Variants in LUC7L observed in about 807,000 individuals in gnomAD.
The protein encoded by LUC7L is LUC7 like, also known as putative RNA-binding protein Luc7-like 1.
In LUC7L, 29 loss-of-function variants were observed where a neutral mutation model predicts 51.1. The observed-to-expected ratio is 0.57, with a 90% confidence interval of 0.42 to 0.77. The LOEUF (loss-of-function observed/expected upper bound fraction) is 0.77, where lower values mean the gene tolerates loss of function less well. Among genes scored for constraint, LUC7L ranks in the 30% least tolerant of loss-of-function variants. LUC7L has a pLI of 0.00. For missense variants in LUC7L, 403 were observed against 511.9 expected, an observed-to-expected ratio of 0.79 and a Z score of 2.05; for synonymous variants, 181 against 180.7, an observed-to-expected ratio of 1.00 and a Z score of -0.01.
chr16:217,608 G>A (rs951337084), intron 3 of LUC7L, among the ~76,000 whole-genome samples: 1 of 151,788 alleles, frequency 6.6e-6, no homozygotes, highest in South Asian at 2.1e-4. Context: ...TCAGGAGGCT[G>A]AGGCAGGAAA....
At chr16:217,525 G>A (rs999737556) in intron 3 of LUC7L, among the ~76,000 whole-genome samples, 2 of 151,400 alleles carry the variant, frequency 1.3e-5, no homozygotes, top group African/African-American at 4.9e-5. Context: ...TGGCCAACAT[G>A]ACAAAACCCC....
chr16:212,398 G>C (rs1030401919), intron 3 of LUC7L, among the ~76,000 whole-genome samples: 1 of 152,156 alleles, frequency 6.6e-6, no homozygotes, highest in African/African-American at 2.4e-5. Flanking sequence ...CAGGATCCAA[G>C]GACCCTTGTG....
At position 202,408 on chromosome 16, in the gene LUC7L, A is replaced by G. The variant is rs192327532; in HGVS notation, c.511-3170T>C. On this transcript the variant is annotated intron_variant, in intron 5 of 9. Transcript: ENST00000293872. ...CCAACATTGGAGGTCACATTTCAAC[A>G]TGAGATTTGGACGTGCCACACATCC... 7.9e-5 allele frequency among the ~76,000 whole-genome samples: 12 copies of G among 152,234 alleles called. No homozygotes were observed. In the East Asian group the frequency reaches 2.1e-3, roughly 27 times the overall value.
Position 190,007 on chromosome 16 carries a change from C to A in LUC7L, c.935G>T (p.Gly312Val). The change falls in exon 9 of 10, where the codon GGA (glycine) becomes GTA (valine). Residue 312 changes from glycine (G) to valine (V), a missense_variant. Around this residue, in one of 3 missense-constraint regions of LUC7L, gnomAD observed 206 missense variants for 218.3 expected, o/e 0.94. Coordinates refer to ENST00000293872, the MANE Select transcript of LUC7L (RefSeq NM_201412.3). ...TCGGTCCCGGGAAGCCCGACGATGT[C>A]CCCGGCTGTGGCTCCGGGAACGGCT... ...HRSRSRSHSR[G>V]HRRASRDRSA... is the part of the protein sequence containing the mutation. 6.2e-7 allele frequency: 1 copy of A among 1,614,046 alleles called. No individual in the cohort carries two copies.
At position 192,965 on chromosome 16, in the gene LUC7L, C is replaced by T. The variant is rs1319179284; in HGVS notation, c.738G>A (p.Arg246=). ...GCTCCTCCCGTTCCCTCTCCTCTCT[C>T]CTCCTCAAGCGATCCTGATTTCTCT... is the stretch of plus-strand genomic sequence containing the variant. ...QEKRNQDRLR[R]REEREREERL... The change falls in exon 7 of 10, where the codon AGG becomes AGA. Residue 246 remains arginine, a synonymous_variant. Transcript: ENST00000293872. 1 of 1,613,568 alleles carries T rather than the reference C, an allele frequency of 6.2e-7. No homozygotes were observed. Among genetic ancestry groups the T allele is most frequent in the African/African-American group, 1.3e-5 (1 of 75,062 alleles).
intron 3 of LUC7L, among the ~76,000 whole-genome samples, chr16:217,704 T>C (rs2049844747): frequency 8.0e-6 from 1 of 125,452 alleles, no homozygotes; most frequent in African/African-American, 3.2e-5. Context: ...TGAGACTCTG[T>C]TTCAAAAAAA....
At chr16:196,621 G>A (rs1026276267) in intron 6 of LUC7L, among the ~76,000 whole-genome samples, 67 of 151,754 alleles carry the variant, frequency 4.4e-4, no homozygotes, top group African/African-American at 1.6e-3. Context: ...TCTGCCTCCC[G>A]GGTTCAAGCG....
At chr16:200,892 T>G (rs1330762723) in intron 5 of LUC7L, among the ~76,000 whole-genome samples, 3 of 151,020 alleles carry the variant, frequency 2.0e-5, no homozygotes, top group Admixed American at 1.3e-4. Context: ...CCTCTAATAT[T>G]AAAAAAAATA....
intron 6 of LUC7L, among the ~76,000 whole-genome samples, chr16:198,191 A>C (rs1298085870): frequency 1.3e-5 from 2 of 148,688 alleles, no homozygotes; most frequent in Non-Finnish European, 3.0e-5. Flanking sequence ...AGGCAGGAAA[A>C]TGGTGTGAAC....
chr16:204,455 G>T (rs1035474055), intron 5 of LUC7L, among the ~76,000 whole-genome samples: 1 of 151,850 alleles, frequency 6.6e-6, no homozygotes, highest in East Asian at 1.9e-4. Flanking sequence ...TTAGCCGGGC[G>T]TGGTGGTGGG....
rs567255038 is a variant in LUC7L at position 222,197 on chromosome 16, C to T, written c.157-1450G>A. Among the ~76,000 whole-genome samples the T allele has an allele frequency of 2.0e-5, 3 of 148,562 alleles. No individual in the cohort carries two copies. The South Asian group carries it at 6.5e-4, about 32-fold the overall frequency. On this transcript the variant is annotated intron_variant, in intron 2 of 9. Coordinates refer to ENST00000293872, the MANE Select transcript of LUC7L (RefSeq NM_201412.3). ...TATGCAGACACCTTCTGCCTCTCGCCATCTACACAGCAACAGGGAGGTTTG... is the reference window on the plus strand; with the variant it reads ...TATGCAGACACCTTCTGCCTCTCGCTATCTACACAGCAACAGGGAGGTTTG...
chr16:222,628 C>A (rs1444162009), intron 2 of LUC7L, among the ~76,000 whole-genome samples: 1 of 151,738 alleles, frequency 6.6e-6, no homozygotes, highest in Non-Finnish European at 1.5e-5. Flanking sequence ...AACAGAGACC[C>A]CTGTCTTTTT....
chr16:199,835 C>G (rs1348204430), intron 5 of LUC7L, among the ~76,000 whole-genome samples: 1 of 141,406 alleles, frequency 7.1e-6, no homozygotes, highest in Non-Finnish European at 1.5e-5. Context: ...ACTAAAAATA[C>G]AAAAATCAGC....
chr16:228,812 T>C (rs576110080), intron 1 of LUC7L: 2 of 1,290,722 alleles, frequency 1.5e-6, no homozygotes, highest in Admixed American at 2.3e-5. Flanking sequence ...CAGTTTACGG[T>C]TCCCCTTGCA....
intron 1 of LUC7L, chr16:228,174 C>A: frequency 3.2e-6 from 4 of 1,249,474 alleles, no homozygotes; most frequent in East Asian, 5.7e-5. Context: ...CTGTGCAACG[C>A]TAGAGGAGGA....
At chr16:208,234 G>A (rs373432614) in intron 3 of LUC7L, 46 bp from the exon 4 acceptor site, 15 of 1,409,864 alleles carry the variant, frequency 1.1e-5, no homozygotes, top group African/African-American at 7.1e-5. Flanking sequence ...TGTGTAAAGC[G>A]TAAAGTCTTA....
rs2049938666 is a variant in LUC7L at position 220,634 on chromosome 16, T to G, written c.255+15A>C. On this transcript the variant is annotated intron_variant, in intron 3 of 9. Transcript: ENST00000293872. ...TCTTCGCAGTAGGAATAAATCAACATTAAATAAAACTTACATCTAATTCAA... is the reference window on the plus strand; with the variant it reads ...TCTTCGCAGTAGGAATAAATCAACAGTAAATAAAACTTACATCTAATTCAA... 2 of 1,574,046 alleles carry G rather than the reference T, an allele frequency of 1.3e-6. No individual in the cohort carries two copies. Among genetic ancestry groups the G allele is most frequent in the African/African-American group, 2.7e-5 (2 of 73,980 alleles).
intron 5 of LUC7L, among the ~76,000 whole-genome samples, chr16:201,886 G>A (rs2049343507): frequency 1.3e-5 from 2 of 151,742 alleles, no homozygotes; most frequent in Non-Finnish European, 2.9e-5. Flanking sequence ...TGGGATTACA[G>A]GTGCCCGCCA....
At chr16:204,298 A>AG (rs2049417173) in intron 5 of LUC7L, among the ~76,000 whole-genome samples, 1 of 151,704 alleles carries the variant, frequency 6.6e-6, no homozygotes, top group Non-Finnish European at 1.5e-5. Flanking sequence ...GAAAAAAAAA[A>AG]AAAAAAATTA....
Sources: gnomAD v4.1 joint callset for allele counts (sites outside exome capture counted in the v4.1 genomes callset) on GRCh38, gnomAD v4.1.1 for gene constraint, gnomAD v4.1.1 regional missense constraint, MANE v1.5 for transcripts, NCBI Gene and HGNC (gene_info 2026-07-23, HGNC 2026-07-21) for gene names.